CPNE3: variants seen among roughly 807,000 people sequenced by gnomAD.
CPNE3 encodes the protein copine-3.
In CPNE3, 68 loss-of-function variants were observed where a neutral mutation model predicts 63.9. The observed-to-expected ratio is 1.06, with a 90% CI of 0.87 to 1.30. The LOEUF (loss-of-function observed/expected upper bound fraction) is 1.30, where lower values mean the gene tolerates loss of function less well. CPNE3 is among the 50% of genes most tolerant of loss of function. The pLI, the probability that CPNE3 is intolerant of heterozygous loss-of-function variation, is 0.00. For missense variants in CPNE3, 665 were observed against 578.1 expected (o/e 1.15, Z -1.54); for synonymous variants, 219 against 197.5 (o/e 1.11, Z -0.91).
chr8:86,515,959 A>G (rs879545998), intron 2 of CPNE3, among the ~76,000 whole-genome samples: 26 of 152,234 alleles, frequency 1.7e-4, no homozygotes, highest in Non-Finnish European at 3.7e-4. Context: ...GATGACATAT[A>G]TAATGGCAAT....
rs932438627 is a variant in CPNE3, at chr8:86,549,231, C to T, written c.1013+797C>T. 5.9e-5 allele frequency among the ~76,000 whole-genome samples: 9 copies of T among 152,102 alleles called. No homozygotes were observed. In the East Asian group the frequency reaches 1.7e-3, roughly 29 times the overall value. ...AATTTTTAGGCAAATGCAAAGAAAT[C>T]TAAAGTAAGGTGGCAATTCCAATTT... On this transcript the variant is annotated intron_variant, in intron 12 of 16. Transcript: ENST00000517490.
chr8:86,528,549 G>T lies in CPNE3; in HGVS notation c.4G>T (p.Ala2Ser). M[A>S]AQCVTKVALN... ...TGGTTTTCTCAGAACTCAAGACATG[G>T]CTGCCCAGTGTGTCACAAAGGTGGC... Residue 2 changes from alanine (A) to serine (S), a missense_variant, in exon 3 of 17, where the codon GCT (alanine) becomes TCT (serine). Ala to Ser is a moderately conservative substitution (Grantham distance 99). Transcript: ENST00000517490. 1 of 1,613,398 alleles carries T rather than the reference G, an allele frequency of 6.2e-7. No homozygotes were observed. Among genetic ancestry groups the T allele is most frequent in the East Asian group, 2.2e-5 (1 of 44,866 alleles).
chr8:86,528,569 G>A lies in CPNE3; in HGVS notation c.24G>A (p.Lys8=). 1 of 1,614,046 alleles carries A rather than the reference G, an allele frequency of 6.2e-7. No homozygotes were observed. The highest frequency in any genetic ancestry group is 8.5e-7 in the Non-Finnish European group (1 of 1,179,988). MAAQCVT[K]VALNVSCANL... is the part of the protein sequence containing the mutation. ...ACATGGCTGCCCAGTGTGTCACAAA[G>A]GTGGCGCTGAATGTTTCCTGTGCCA... is the stretch of plus-strand genomic sequence containing the variant. The change falls in exon 3 of 17, where the codon AAG becomes AAA. Residue 8 remains lysine, a synonymous_variant. Coordinates refer to ENST00000517490, the MANE Select transcript of CPNE3 (RefSeq NM_003909.5).
rs766530117 is a variant in CPNE3, at chr8:86,551,042, T to C, written c.1014-4T>C. Reference sequence around the variant, plus strand: ...TATTTTATTAAATATTTTTTTCTTTTTAGTGATAAGATGTTTCCAGCTTTT... The same window carrying C: ...TATTTTATTAAATATTTTTTTCTTTCTAGTGATAAGATGTTTCCAGCTTTT... On this transcript the variant is annotated splice_region_variant and splice_polypyrimidine_tract_variant and intron_variant, in intron 12 of 16. Coordinates refer to ENST00000517490, the MANE Select transcript of CPNE3 (RefSeq NM_003909.5). 6.3e-7 allele frequency: 1 copy of C among 1,585,974 alleles called. No homozygotes were observed.
chr8:86,554,868 G>A lies in CPNE3; in HGVS notation c.1138G>A (p.Glu380Lys). Residue 380 changes from glutamate to lysine, a missense_variant, in exon 15 of 17, where the codon GAG (glutamate) becomes AAG (lysine). Coordinates refer to ENST00000517490, the MANE Select transcript of CPNE3 (RefSeq NM_003909.5). ...TGTTCTAGGAATCCAAGGCATTGTAGAGGCGTATCGGTCTTGTCTTCCTCA... is the reference window on the plus strand; with the variant it reads ...TGTTCTAGGAATCCAAGGCATTGTAAAGGCGTATCGGTCTTGTCTTCCTCA... Reference protein sequence around the residue: ...PYCNGIQGIVEAYRSCLPQIK... With the variant: ...PYCNGIQGIVKAYRSCLPQIK... 6.2e-7 allele frequency: 1 copy of A among 1,613,962 alleles called. No individual in the cohort carries two copies. Among genetic ancestry groups the A allele is most frequent in the Non-Finnish European group, 8.5e-7 (1 of 1,179,918 alleles).
chr8:86,521,849 A>T (rs1820440304), intron 2 of CPNE3: 1 of 152,230 alleles, frequency 6.6e-6, no homozygotes, highest in Non-Finnish European at 1.5e-5. Context: ...GGAGTGCCTT[A>T]TATTATAGTC....
intron 3 of CPNE3, 28 bp downstream of exon 3, chr8:86,528,705 TAATCTGA>T (rs1820598056): frequency 6.3e-7 from 1 of 1,585,748 alleles, no homozygotes; most frequent in Non-Finnish European, 8.5e-7. Flanking sequence ...ACCTAAAAAG[TAATCTGA>T]ATTACCCTTT....
chr8:86,523,642 G>A (rs1334013938), intron 2 of CPNE3, among the ~76,000 whole-genome samples: 1 of 152,152 alleles, frequency 6.6e-6, no homozygotes, highest in African/African-American at 2.4e-5. Context: ...CTGGAGTGCA[G>A]TGGTACCATC....
intron 12 of CPNE3, among the ~76,000 whole-genome samples, chr8:86,549,683 A>C (rs907315356): frequency 2.6e-5 from 4 of 152,230 alleles, no homozygotes; most frequent in Non-Finnish European, 5.9e-5. Context: ...TCACATTGCT[A>C]GGGGTAAATA....
At chr8:86,522,123 C>G (rs72690445) in intron 2 of CPNE3, among the ~76,000 whole-genome samples, 2 of 152,064 alleles carry the variant, frequency 1.3e-5, no homozygotes, top group East Asian at 3.9e-4. Context: ...ACTGCAAATT[C>G]TTTTTGTAGT....
intron 7 of CPNE3, among the ~76,000 whole-genome samples, chr8:86,538,755 T>C (rs1820861902): frequency 6.6e-6 from 1 of 152,202 alleles, no homozygotes; most frequent in African/African-American, 2.4e-5. Context: ...ACTATGTGTG[T>C]TCCTTTTCTT....
At position 86,530,690 on chromosome 8, in the gene CPNE3, AT is replaced by A. The variant is rs34745647; in HGVS notation, c.313-447del. On this transcript the variant is annotated intron_variant, in intron 4 of 16. Transcript: ENST00000517490. ...TTTCCAATGAGTTTTAAATATTTAG[AT>A]TTTTTTTTTTTTTTTTTGAGATGGA... Among the ~76,000 whole-genome samples the A allele has an allele frequency of 5.2e-3, 704 of 135,726 alleles. 2 individuals are homozygous for A. Among genetic ancestry groups the A allele is most frequent in the East Asian group, 0.017 (80 of 4,640 alleles). 89.0% of individuals were successfully genotyped at this position (135,726 alleles called of 152,430 possible).
At chr8:86,556,379 A>G (rs1314186066) in intron 16 of CPNE3, 41 bp downstream of exon 16, 4 of 868,276 alleles carry the variant, frequency 4.6e-6, no homozygotes, top group Non-Finnish European at 8.0e-6. Flanking sequence ...AAAGTGACTG[A>G]ACACAGACCT....
chr8:86,558,281 T>G lies in CPNE3; in HGVS notation c.1492-7T>G, dbSNP rs1479979446. ...AATAAAGTCACTTTTATTTTGTTTT[T>G]CACAAGGCTCCAAAAGAAGCACTTG... On this transcript the variant is annotated splice_polypyrimidine_tract_variant and splice_region_variant and intron_variant, in intron 16 of 16. Coordinates refer to ENST00000517490, the MANE Select transcript of CPNE3 (RefSeq NM_003909.5). 1 of 872,764 alleles carries G rather than the reference T, an allele frequency of 1.1e-6. No homozygotes were observed. The highest frequency in any genetic ancestry group is 2.0e-6 in the Non-Finnish European group (1 of 501,626). 54.1% of individuals were successfully genotyped at this position (872,764 alleles called of 1,614,324 possible).
At chr8:86,522,626 C>T (rs1820461756) in intron 2 of CPNE3, among the ~76,000 whole-genome samples, 1 of 135,422 alleles carries the variant, frequency 7.4e-6, no homozygotes. Flanking sequence ...TTGAGAAACA[C>T]TGCCTAGGGT....
In CPNE3 at chr8:86,517,402, C is replaced by G. The variant is rs576773970; in HGVS notation, c.-11+1903C>G. Among the ~76,000 whole-genome samples, 25 of 152,226 alleles carry G rather than the reference C, an allele frequency of 1.6e-4. No individual in the cohort carries two copies. The East Asian group carries it at 4.6e-3, about 28-fold the overall frequency. ...ATTACCAGAGCAACTGTGTGGTTTT[C>G]TGGACACATTGTTATCCGGCTATTT... On this transcript the variant is annotated intron_variant, in intron 2 of 16. Transcript: ENST00000517490.
intron 2 of CPNE3, among the ~76,000 whole-genome samples, chr8:86,522,845 A>G (rs1820465318): frequency 6.6e-6 from 1 of 152,150 alleles, no homozygotes; most frequent in African/African-American, 2.4e-5. Flanking sequence ...AGGGATTTGT[A>G]GATAGGCACC....
At chr8:86,525,337 A>G (rs1301585820) in intron 2 of CPNE3, among the ~76,000 whole-genome samples, 2 of 152,210 alleles carry the variant, frequency 1.3e-5, no homozygotes, top group East Asian at 3.9e-4. Context: ...AAAAAATTGT[A>G]TATCATGTAC....
At chr8:86,528,746 A>G in intron 3 of CPNE3, 69 bp downstream of exon 3, 1 of 1,510,848 alleles carries the variant, frequency 6.6e-7, no homozygotes, top group Non-Finnish European at 8.8e-7. Context: ...AGTTTTTTTA[A>G]TGTTAAAAAT....
Sources: allele counts gnomAD v4.1 joint callset (sites outside exome capture counted in the v4.1 genomes callset), GRCh38; gene constraint gnomAD v4.1.1; transcripts MANE v1.5; gene names NCBI Gene and HGNC (gene_info 2026-07-23, HGNC 2026-07-21).